CAMK1D: variants seen among roughly 807,000 people sequenced by gnomAD.
CAMK1D encodes calcium/calmodulin dependent protein kinase ID, also known as calcium/calmodulin-dependent protein kinase type 1D.
A neutral mutation model predicts 47.7 loss-of-function variants in CAMK1D; 9 were observed. The ratio of observed to expected loss-of-function variants is 0.19; its 90% CI spans 0.11 to 0.33. The LOEUF (loss-of-function observed/expected upper bound fraction) is 0.33. Among genes scored for constraint, CAMK1D ranks in the 10% least tolerant of loss-of-function variants. The pLI is 1.00. For missense variants in CAMK1D, 291 were observed against 488.7 expected, an observed-to-expected ratio of 0.60 and a Z score of 3.81; for synonymous variants, 184 against 184.9, an observed-to-expected ratio of 0.99 and a Z score of 0.04.
chr10:12,458,097 T>A (rs1313428119), intron 1 of CAMK1D, among the ~76,000 whole-genome samples: 1 of 152,024 alleles, frequency 6.6e-6, no homozygotes, highest in African/African-American at 2.4e-5. Context: ...GTTGACTGCA[T>A]TTCTTAGCTC....
In CAMK1D at chr10:12,832,591, A is replaced by C. The variant is rs917156016; in HGVS notation, c.*3704A>C. 1 of 152,220 alleles carries C rather than the reference A, an allele frequency of 6.6e-6. No individual in the cohort carries two copies. Among genetic ancestry groups the C allele is most frequent in the Non-Finnish European group, 1.5e-5 (1 of 68,046 alleles). The allele number at this position is 152,220 out of a possible 1,614,324, so 9.4% of individuals were successfully genotyped here. A position where few individuals can be genotyped will look rare whatever the true frequency, so the allele number is the denominator to read the frequency against. On this transcript the variant is annotated 3_prime_UTR_variant, in exon 11 of 11. Transcript: ENST00000619168. ...ATTCTACCCCTTCAGGTCTTCTTTT[A>C]AAAGAAAAGAGCTATGGCAAAGCGT...
At chr10:12,450,893 A>G (rs905095927) in intron 1 of CAMK1D, among the ~76,000 whole-genome samples, 1 of 152,206 alleles carries the variant, frequency 6.6e-6, no homozygotes, top group African/African-American at 2.4e-5. Context: ...CCTGGCGGCT[A>G]TCAGGTGCTG....
intron 1 of CAMK1D, among the ~76,000 whole-genome samples, chr10:12,492,511 T>G (rs1243186661): frequency 6.6e-6 from 1 of 151,824 alleles, no homozygotes; most frequent in African/African-American, 2.4e-5. Context: ...TACAAAAAAT[T>G]AGCTAGATGC....
At chr10:12,495,400 A>T (rs1834507922) in intron 1 of CAMK1D, among the ~76,000 whole-genome samples, 2 of 152,236 alleles carry the variant, frequency 1.3e-5, no homozygotes, top group African/African-American at 4.8e-5. Context: ...TTATCAAGGG[A>T]TGTTTCCAGT....
intron 10 of CAMK1D, among the ~76,000 whole-genome samples, chr10:12,826,469 G>A (rs370552565): frequency 5.9e-5 from 9 of 152,112 alleles, no homozygotes; most frequent in Non-Finnish European, 8.8e-5. Flanking sequence ...ATTGTCCTTC[G>A]TCTTTGCATG....
chr10:12,600,210 C>G lies in CAMK1D; in HGVS notation c.224+46854C>G, dbSNP rs529255932. 6.6e-5 allele frequency among the ~76,000 whole-genome samples: 10 copies of G among 152,314 alleles called. No homozygotes were observed. In the South Asian group the frequency reaches 2.1e-3, roughly 32 times the overall value. On this transcript the variant is annotated intron_variant, in intron 2 of 10. Coordinates refer to ENST00000619168, the MANE Select transcript of CAMK1D (RefSeq NM_153498.4). ...AAGAAAGAAAAAAACAGGAGAGATACTCAAGGATATTTGACTCCAGTTCCC... is the reference window on the plus strand; with the variant it reads ...AAGAAAGAAAAAAACAGGAGAGATAGTCAAGGATATTTGACTCCAGTTCCC...
intron 1 of CAMK1D, among the ~76,000 whole-genome samples, chr10:12,432,224 G>A (rs867011354): frequency 6.6e-6 from 1 of 152,190 alleles, no homozygotes; most frequent in Non-Finnish European, 1.5e-5. Flanking sequence ...TGCCCGTGGT[G>A]GTGGGGAGAC....
At chr10:12,665,161 A>G (rs1371781488) in intron 2 of CAMK1D, among the ~76,000 whole-genome samples, 1 of 152,192 alleles carries the variant, frequency 6.6e-6, no homozygotes, top group Non-Finnish European at 1.5e-5. Flanking sequence ...ATTAGACTCT[A>G]TTCTTTGGAA....
intron 8 of CAMK1D, among the ~76,000 whole-genome samples, 177 bp downstream of exon 8, chr10:12,816,505 C>T (rs1362712577): frequency 2.6e-5 from 4 of 152,048 alleles, no homozygotes; most frequent in Non-Finnish European, 4.4e-5. Context: ...CTCTTGTGCC[C>T]CCAGGACACA....
At chr10:12,612,737 A>G (rs963070986) in intron 2 of CAMK1D, among the ~76,000 whole-genome samples, 9 of 152,200 alleles carry the variant, frequency 5.9e-5, no homozygotes, top group African/African-American at 1.9e-4. Context: ...GTCATCATCT[A>G]TATAATGAAC....
chr10:12,430,839 C>T (rs942738825), intron 1 of CAMK1D, among the ~76,000 whole-genome samples: 10 of 151,898 alleles, frequency 6.6e-5, no homozygotes, highest in African/African-American at 9.7e-5. Flanking sequence ...CAACCTCTGC[C>T]TCCTGTGTTT....
intron 1 of CAMK1D, among the ~76,000 whole-genome samples, chr10:12,538,639 C>T (rs185885361): frequency 6.6e-6 from 1 of 152,054 alleles, no homozygotes; most frequent in Admixed American, 6.6e-5. Context: ...AGGAAGGGCC[C>T]GAGGAGGTGC....
chr10:12,566,790 A>G (rs1837138961), intron 2 of CAMK1D, among the ~76,000 whole-genome samples: 1 of 152,204 alleles, frequency 6.6e-6, no homozygotes, highest in East Asian at 1.9e-4. Context: ...ACAGGACTGA[A>G]GAAGCTACCC....
At chr10:12,387,946 A>G (rs984617269) in intron 1 of CAMK1D, among the ~76,000 whole-genome samples, 1 of 152,126 alleles carries the variant, frequency 6.6e-6, no homozygotes, top group Non-Finnish European at 1.5e-5. Context: ...AGTTGCTGTC[A>G]TGAGTGAGTG....
chr10:12,469,868 T>C (rs1419530793), intron 1 of CAMK1D, among the ~76,000 whole-genome samples: 2 of 152,016 alleles, frequency 1.3e-5, no homozygotes, highest in Non-Finnish European at 2.9e-5. Context: ...TGGCTGATTG[T>C]TTTTTTTCCT....
At chr10:12,552,558 G>A (rs1836619323) in intron 1 of CAMK1D, among the ~76,000 whole-genome samples, 1 of 152,170 alleles carries the variant, frequency 6.6e-6, no homozygotes, top group African/African-American at 2.4e-5. Flanking sequence ...ACCGGCAGAA[G>A]GATCCAGTCC....
At position 12,547,673 on chromosome 10, in the gene CAMK1D, T is replaced by C. The variant is rs74863340; in HGVS notation, c.93-5552T>C. 4.5e-3 allele frequency among the ~76,000 whole-genome samples: 527 copies of C among 117,654 alleles called. 7 individuals are homozygous for C. Among genetic ancestry groups the C allele is most frequent in the South Asian group, 0.019 (59 of 3,036 alleles). 77.2% of individuals were successfully genotyped at this position (117,654 alleles called of 152,430 possible). A position where few individuals can be genotyped will look rare whatever the true frequency, so the allele number is the denominator to read the frequency against. ...CCAACCCTGCACTCTCTCTCTCTCT[T>C]TCTCTCTCTCACACACACACACACA... On this transcript the variant is annotated intron_variant, in intron 1 of 10. Transcript: ENST00000619168.
chr10:12,473,321 C>G (rs1011775392), intron 1 of CAMK1D, among the ~76,000 whole-genome samples: 6 of 152,070 alleles, frequency 3.9e-5, no homozygotes, highest in Non-Finnish European at 8.8e-5. Flanking sequence ...GTAATTCCAG[C>G]TACTCGGAAG....
intron 1 of CAMK1D, among the ~76,000 whole-genome samples, chr10:12,406,959 C>T (rs1206383056): frequency 6.6e-6 from 1 of 152,138 alleles, no homozygotes. Flanking sequence ...CATCTTGATA[C>T]CGCAGACTTG....
Sources: allele counts gnomAD v4.1 joint callset (sites outside exome capture counted in the v4.1 genomes callset), GRCh38; gene constraint gnomAD v4.1.1; transcripts MANE v1.5; gene names NCBI Gene and HGNC (gene_info 2026-07-23, HGNC 2026-07-21).